ANXA8: variants seen among roughly 807,000 people sequenced by gnomAD.
ANXA8 encodes annexin A8.
In ANXA8, 9 loss-of-function variants were observed where a neutral mutation model predicts 26.8. That is an observed-to-expected ratio of 0.34 (90% confidence interval 0.20 to 0.59). The LOEUF is 0.59. ANXA8 is among the 20% of genes least tolerant of loss of function. The pLI is 0.84. For missense variants in ANXA8, 83 were observed against 238.5 expected (o/e 0.35, Z 4.29); for synonymous variants, 39 against 94.8 (o/e 0.41, Z 3.42).
At chr10:47,976,541 C>G in the ANXA8 span, among the ~76,000 whole-genome samples, 3 of 97,480 alleles carry the variant, frequency 3.1e-5, no homozygotes, top group African/African-American at 1.1e-4. Context: ...CAACCTCTGT[C>G]TTTACACACA....
At chr10:47,495,191 GGAAACAGA>G in the ANXA8 span, among the ~76,000 whole-genome samples, 20 of 150,084 alleles carry the variant, frequency 1.3e-4, no homozygotes, top group African/African-American at 3.7e-4. Flanking sequence ...GGTATGGAGG[GGAAACAGA>G]GAAACAGAGA....
chr10:47,699,722 G>A, the ANXA8 span, among the ~76,000 whole-genome samples: 1 of 151,646 alleles, frequency 6.6e-6, no homozygotes, highest in Non-Finnish European at 1.5e-5. Flanking sequence ...CAGCTGTTTG[G>A]GAGGCTGAGG....
At chr10:47,548,254 G>T in the ANXA8 span, among the ~76,000 whole-genome samples, 1 of 146,576 alleles carries the variant, frequency 6.8e-6, no homozygotes, top group Non-Finnish European at 1.5e-5. Flanking sequence ...AAAAAACAAG[G>T]TATCTGTCAC....
chr10:47,749,268 G>A, the ANXA8 span, among the ~76,000 whole-genome samples: 120 of 127,418 alleles, frequency 9.4e-4, no homozygotes, highest in Middle Eastern at 0.012. Context: ...AAAAAAACCT[G>A]AGAAAATTTG....
chr10:47,649,413 A>AT, the ANXA8 span, among the ~76,000 whole-genome samples: 216 of 148,672 alleles, frequency 1.5e-3, 1 homozygote, highest in African/African-American at 3.6e-3. Flanking sequence ...TTAAAATTAA[A>AT]TTTTTTTTTT....
the ANXA8 span, among the ~76,000 whole-genome samples, chr10:47,700,694 A>G: frequency 6.6e-6 from 1 of 151,692 alleles, no homozygotes; most frequent in African/African-American, 2.4e-5. Flanking sequence ...AAACACTATA[A>G]ACAAAGTCAA....
the ANXA8 span, among the ~76,000 whole-genome samples, chr10:47,566,330 G>T: frequency 1.0e-3 from 155 of 150,020 alleles, 1 homozygote; most frequent in Middle Eastern, 3.4e-3. Flanking sequence ...AGAAAACACT[G>T]CTGACATTTG....
the ANXA8 span, among the ~76,000 whole-genome samples, chr10:47,684,753 T>G: frequency 6.6e-6 from 1 of 151,120 alleles, no homozygotes; most frequent in Non-Finnish European, 1.5e-5. Flanking sequence ...TCCAAGCTAA[T>G]TTTTGTATTT....
chr10:47,488,681 T>G (rs1475670647), upstream of ANXA8, among the ~76,000 whole-genome samples: 3 of 143,482 alleles, frequency 2.1e-5, no homozygotes. Context: ...CACACATCAA[T>G]TTAACATTTA....
chr10:47,665,687 G>A, the ANXA8 span, among the ~76,000 whole-genome samples: 2 of 149,968 alleles, frequency 1.3e-5, no homozygotes, highest in East Asian at 1.9e-4. Context: ...CACAAAATAA[G>A]TGGTTGAAAG....
At chr10:47,710,264 A>C in the ANXA8 span, 1 of 1,512,254 alleles carries the variant, frequency 6.6e-7, no homozygotes, top group South Asian at 1.3e-5. Flanking sequence ...ACTTACTGGC[A>C]TATGTGTCCT....
chr10:47,984,893 A>G, the ANXA8 span, among the ~76,000 whole-genome samples: 1 of 125,864 alleles, frequency 7.9e-6, no homozygotes. Context: ...ACAGGAGAAA[A>G]TCATCTGGAC....
chr10:47,644,665 G>A, the ANXA8 span, among the ~76,000 whole-genome samples: 1 of 151,542 alleles, frequency 6.6e-6, no homozygotes, highest in Non-Finnish European at 1.5e-5. Context: ...AATATTTAAG[G>A]GTCTTTCCTA....
At chr10:47,498,974 C>T in the ANXA8 span, among the ~76,000 whole-genome samples, 9 of 137,908 alleles carry the variant, frequency 6.5e-5, no homozygotes, top group South Asian at 2.2e-4. Context: ...TGGTGGCAGG[C>T]GCCTGTAATC....
chr10:47,691,034 T>C, the ANXA8 span: 1 of 1,610,924 alleles, frequency 6.2e-7, no homozygotes, highest in South Asian at 1.1e-5. Context: ...GAAGTATAAT[T>C]GTTTAGTCAT....
chr10:47,631,326 G>C, the ANXA8 span, among the ~76,000 whole-genome samples: 1 of 151,920 alleles, frequency 6.6e-6, no homozygotes, highest in African/African-American at 2.4e-5. Context: ...CAAAGTGTTA[G>C]TATATCTGGT....
chr10:47,626,289 G>A, the ANXA8 span, among the ~76,000 whole-genome samples: 1 of 150,098 alleles, frequency 6.7e-6, no homozygotes, highest in Non-Finnish European at 1.5e-5. Flanking sequence ...ATTGTAAAAG[G>A]ATAGTCAATC....
chr10:47,631,349 A>G, the ANXA8 span, among the ~76,000 whole-genome samples: 1 of 151,892 alleles, frequency 6.6e-6, no homozygotes, highest in African/African-American at 2.4e-5. Flanking sequence ...GTAAGAGTCT[A>G]TTTCTTTTAA....
the ANXA8 span, among the ~76,000 whole-genome samples, chr10:47,688,031 C>T: frequency 6.6e-6 from 1 of 151,630 alleles, no homozygotes; most frequent in East Asian, 1.9e-4. Flanking sequence ...ACCTGGGAGA[C>T]AGGAGGTTGT....
Sources: allele counts gnomAD v4.1 joint callset (sites outside exome capture counted in the v4.1 genomes callset), GRCh38; gene constraint gnomAD v4.1.1; transcripts MANE v1.5; gene names NCBI Gene and HGNC (gene_info 2026-07-23, HGNC 2026-07-21).